Variants in TRERF1 observed in about 807,000 individuals in gnomAD.
TRERF1 encodes the protein transcriptional regulating factor 1.
Under a neutral mutation model 122.9 loss-of-function variants are expected in TRERF1, and 27 were observed. The ratio of observed to expected loss-of-function variants is 0.22; its 90% CI spans 0.16 to 0.30. TRERF1 has a LOEUF of 0.30. TRERF1 is among the 10% of genes least tolerant of loss of function. TRERF1 has a pLI of 1.00. For synonymous variants in TRERF1, 636 were observed against 641.7 expected (o/e 0.99, Z 0.13); for missense variants, 1,248 against 1,560.3 (o/e 0.80, Z 3.37).
At chr6:42,429,908 G>C in intron 2 of TRERF1, among the ~76,000 whole-genome samples, 1 of 152,274 alleles carries the variant, frequency 6.6e-6, no homozygotes, top group African/African-American at 2.4e-5. Flanking sequence ...CTGGAGAGGT[G>C]AGGAAAGCCC....
chr6:42,334,131 C>A (rs1285813901), intron 3 of TRERF1, among the ~76,000 whole-genome samples: 2 of 151,672 alleles, frequency 1.3e-5, no homozygotes, highest in Non-Finnish European at 2.9e-5. Context: ...CATAAGCCAC[C>A]CTCATGGGAC....
intron 3 of TRERF1, among the ~76,000 whole-genome samples, chr6:42,330,149 A>C (rs965864799): frequency 6.6e-6 from 1 of 152,224 alleles, no homozygotes; most frequent in African/African-American, 2.4e-5. Flanking sequence ...CACGAGCAAA[A>C]AAATGGGTTA....
chr6:42,415,131 T>A (rs1047512831), intron 2 of TRERF1, among the ~76,000 whole-genome samples: 2 of 152,224 alleles, frequency 1.3e-5, no homozygotes, highest in African/African-American at 4.8e-5. Flanking sequence ...AGCTCTGATT[T>A]GTACTTTTTA....
chr6:42,336,077 G>A (rs1012453694), intron 3 of TRERF1, among the ~76,000 whole-genome samples: 1 of 152,208 alleles, frequency 6.6e-6, no homozygotes, highest in East Asian at 1.9e-4. Context: ...AATTTAAATA[G>A]CCACATGTGG....
intron 3 of TRERF1, among the ~76,000 whole-genome samples, chr6:42,323,249 A>G (rs1259298866): frequency 1.4e-5 from 2 of 146,206 alleles, no homozygotes; most frequent in East Asian, 4.0e-4. Context: ...CCCAGGCTGG[A>G]GTGCAGTGGT....
exon 18 of TRERF1, chr6:42,227,326 A>T (rs1769687664): frequency 6.6e-6 from 1 of 152,276 alleles, no homozygotes; most frequent in African/African-American, 2.4e-5. Flanking sequence ...GATGTGAATT[A>T]CAGCAAAATC....
chr6:42,386,451 GAGAA>G (rs113963941), intron 2 of TRERF1, among the ~76,000 whole-genome samples: 1 of 152,106 alleles, frequency 6.6e-6, no homozygotes, highest in South Asian at 2.1e-4. Flanking sequence ...TCAAAAAAAG[GAGAA>G]AGAAAGAAAG....
intron 2 of TRERF1, among the ~76,000 whole-genome samples, chr6:42,381,491 A>G (rs1232565427): frequency 6.6e-6 from 1 of 152,068 alleles, no homozygotes; most frequent in Non-Finnish European, 1.5e-5. Flanking sequence ...ACTTCCTAGT[A>G]AGGCTGTTTA....
chr6:42,429,889 C>T lies in TRERF1; in HGVS notation c.-454+21288G>A, dbSNP rs151083662. 4.9e-3 allele frequency among the ~76,000 whole-genome samples: 745 copies of T among 152,196 alleles called. 10 individuals are homozygous for T. The highest frequency in any genetic ancestry group is 0.017 in the African/African-American group (718 of 41,512). On this transcript the variant is annotated intron_variant, in intron 2 of 17. Coordinates refer to ENST00000372922, the Ensembl canonical transcript of TRERF1. ...ATGGGTCATTCGGGCGAAGGTGTGG[C>T]GCACCTAACTGGAGAGGTGAGGAAA...
intron 2 of TRERF1, among the ~76,000 whole-genome samples, chr6:42,388,991 G>A (rs1777259380): frequency 6.6e-6 from 1 of 152,154 alleles, no homozygotes. Context: ...CTCTGTTACT[G>A]AATCCTTCCA....
intron 15 of TRERF1, among the ~76,000 whole-genome samples, chr6:42,237,349 C>T (rs535215780): frequency 1.3e-5 from 2 of 152,326 alleles, no homozygotes; most frequent in South Asian, 4.1e-4. Context: ...TGCTTAACTA[C>T]TTTATTCTGC....
intron 3 of TRERF1, among the ~76,000 whole-genome samples, chr6:42,330,209 T>C (rs953067485): frequency 1.3e-5 from 2 of 151,766 alleles, no homozygotes; most frequent in Non-Finnish European, 2.9e-5. Flanking sequence ...ACACAAGAAA[T>C]AGTCAACCTC....
intron 2 of TRERF1, among the ~76,000 whole-genome samples, chr6:42,412,292 C>T (rs898964362): frequency 5.3e-5 from 8 of 152,160 alleles, no homozygotes; most frequent in Admixed American, 3.3e-4. Flanking sequence ...TGAGCCACCA[C>T]GCCCAGCCTA....
chr6:42,345,793 A>G (rs1768160333), intron 3 of TRERF1, among the ~76,000 whole-genome samples: 1 of 152,202 alleles, frequency 6.6e-6, no homozygotes, highest in African/African-American at 2.4e-5. Context: ...CACCGTCTTG[A>G]TTCCTGCCCT....
intron 17 of TRERF1, among the ~76,000 whole-genome samples, chr6:42,230,893 G>A (rs1265686533): frequency 6.6e-6 from 1 of 152,218 alleles, no homozygotes; most frequent in Non-Finnish European, 1.5e-5. Flanking sequence ...CCTGCATGGT[G>A]TGAATCCCCA....
At chr6:42,341,371 G>A (rs887160296) in intron 3 of TRERF1, among the ~76,000 whole-genome samples, 11 of 152,180 alleles carry the variant, frequency 7.2e-5, no homozygotes, top group African/African-American at 2.2e-4. Context: ...AAACACTCAA[G>A]AATCACATTC....
chr6:42,273,979 AC>A (rs1364392515), intron 4 of TRERF1, among the ~76,000 whole-genome samples: 1 of 152,226 alleles, frequency 6.6e-6, no homozygotes, highest in Non-Finnish European at 1.5e-5. Flanking sequence ...GAAAGGGATT[AC>A]TTTGCATTCT....
chr6:42,274,831 TTC>T (rs140079741), intron 4 of TRERF1, among the ~76,000 whole-genome samples: 45 of 152,298 alleles, frequency 3.0e-4, no homozygotes, highest in South Asian at 1.0e-3. Flanking sequence ...ATTCACATGG[TTC>T]AAAATTCAAA....
intron 2 of TRERF1, among the ~76,000 whole-genome samples, chr6:42,436,167 G>A (rs1033399468): frequency 1.3e-5 from 2 of 151,904 alleles, no homozygotes; most frequent in Non-Finnish European, 2.9e-5. Flanking sequence ...AGGAGTTCGA[G>A]ACCATCCTGG....
Sources: allele counts gnomAD v4.1 joint callset (sites outside exome capture counted in the v4.1 genomes callset), GRCh38; gene constraint gnomAD v4.1.1; transcripts MANE v1.5; gene names NCBI Gene and HGNC (gene_info 2026-07-23, HGNC 2026-07-21).